The following TENM4 variants were observed in gnomAD, a reference collection of about 807,000 sequenced individuals.
TENM4 encodes teneurin transmembrane protein 4.
In TENM4, 82 loss-of-function variants were observed where a neutral mutation model predicts 243.3. The observed-to-expected ratio is 0.34, with a 90% CI of 0.28 to 0.40. The LOEUF (loss-of-function observed/expected upper bound fraction) is 0.40, where lower values mean the gene tolerates loss of function less well. Ranked by LOEUF, TENM4 falls within the 10% of genes least tolerant of loss-of-function variation. The probability of loss-of-function intolerance (pLI) is 1.00; values close to 1 mark genes in which losing one functional copy is unlikely to be tolerated. For synonymous variants in TENM4, 1,412 were observed against 1,456.3 expected, an observed-to-expected ratio of 0.97 and a Z score of 0.69; for missense variants, 3,138 against 3,673.3, an observed-to-expected ratio of 0.85 and a Z score of 3.77.
chr11:79,094,793 C>A (rs1861040629), intron 4 of TENM4, among the ~76,000 whole-genome samples: 1 of 152,164 alleles, frequency 6.6e-6, no homozygotes, highest in Admixed American at 6.5e-5. Context: ...GCTCCTACTG[C>A]AAGAAGATCA....
chr11:78,911,571 A>G (rs1358141989), intron 6 of TENM4, among the ~76,000 whole-genome samples: 2 of 152,166 alleles, frequency 1.3e-5, no homozygotes, highest in Non-Finnish European at 2.9e-5. Flanking sequence ...CATAATATCC[A>G]ATTCATATAT....
chr11:79,258,940 C>G (rs900781528), intron 2 of TENM4, among the ~76,000 whole-genome samples: 1 of 148,346 alleles, frequency 6.7e-6, no homozygotes, highest in South Asian at 2.1e-4. Context: ...CAGTCCTGGC[C>G]CCCCCCACCT....
intron 6 of TENM4, among the ~76,000 whole-genome samples, chr11:78,935,518 T>C (rs1856765334): frequency 6.6e-6 from 1 of 152,246 alleles, no homozygotes; most frequent in Admixed American, 6.5e-5. Flanking sequence ...GTACCAAAGC[T>C]AATCGGCCAA....
At chr11:79,165,656 ACTTAT>A (rs1181403190) in intron 3 of TENM4, among the ~76,000 whole-genome samples, 1 of 152,120 alleles carries the variant, frequency 6.6e-6, no homozygotes, top group East Asian at 1.9e-4. Flanking sequence ...GGTCCCATCT[ACTTAT>A]CTTTGTTTTT....
At chr11:79,364,814 C>G (rs2135498966) in intron 1 of TENM4, among the ~76,000 whole-genome samples, 1 of 152,286 alleles carries the variant, frequency 6.6e-6, no homozygotes, top group Non-Finnish European at 1.5e-5. Context: ...ACTAATTGTC[C>G]TACATTTGCT....
chr11:79,201,347 A>C (rs76145284), intron 3 of TENM4, among the ~76,000 whole-genome samples: 5,331 of 152,214 alleles, frequency 0.035, 109 homozygotes, highest in Middle Eastern at 0.065. Context: ...CCTTTGGAAG[A>C]GCTGTGGCTA....
At chr11:79,346,362 C>T (rs371717054) in intron 1 of TENM4, among the ~76,000 whole-genome samples, 6 of 152,086 alleles carry the variant, frequency 3.9e-5, no homozygotes, top group Non-Finnish European at 8.8e-5. Context: ...TACCTGCCTT[C>T]GGGGGTGTTT....
chr11:78,997,627 C>T (rs1858208764), intron 6 of TENM4, among the ~76,000 whole-genome samples: 2 of 152,180 alleles, frequency 1.3e-5, no homozygotes, highest in South Asian at 4.1e-4. Flanking sequence ...TCAGCATCCA[C>T]AGCTGGAATT....
intron 6 of TENM4, among the ~76,000 whole-genome samples, chr11:79,017,831 C>T (rs984503420): frequency 3.3e-5 from 5 of 152,304 alleles, no homozygotes; most frequent in Admixed American, 3.3e-4. Context: ...GTGTACAGGG[C>T]TCAGGCTCAG....
chr11:79,368,076 C>T (rs1037893677), intron 1 of TENM4, among the ~76,000 whole-genome samples: 2 of 152,092 alleles, frequency 1.3e-5, no homozygotes, highest in Non-Finnish European at 2.9e-5. Flanking sequence ...CTTGGGGATT[C>T]GGGGCAGGAA....
intron 4 of TENM4, among the ~76,000 whole-genome samples, chr11:79,119,172 C>T (rs909012919): frequency 6.6e-6 from 1 of 152,162 alleles, no homozygotes; most frequent in African/African-American, 2.4e-5. Context: ...ACATTAGAAT[C>T]ATCCAGCACA....
At chr11:78,727,902 T>A (rs117183596) in intron 22 of TENM4, among the ~76,000 whole-genome samples, 1 of 152,240 alleles carries the variant, frequency 6.6e-6, no homozygotes, top group Non-Finnish European at 1.5e-5. Flanking sequence ...TAAAGTTTCT[T>A]GTAGATGCCA....
intron 15 of TENM4, among the ~76,000 whole-genome samples, chr11:78,792,772 T>C (rs1857084006): frequency 6.6e-6 from 1 of 152,368 alleles, no homozygotes; most frequent in South Asian, 2.1e-4. Flanking sequence ...ATATATTATG[T>C]AGAGGCTCAG....
chr11:79,423,538 T>C (rs1397899039), intron 1 of TENM4, among the ~76,000 whole-genome samples: 3 of 95,728 alleles, frequency 3.1e-5, no homozygotes, highest in African/African-American at 1.4e-4. Context: ...CAAGTGCATT[T>C]TTTTTTTTTT....
Position 78,688,052 on chromosome 11 carries a change from A to C in TENM4, c.5260+2T>G. 1 of 1,613,184 alleles carries C rather than the reference A, an allele frequency of 6.2e-7. No individual in the cohort carries two copies. The highest frequency in any genetic ancestry group is 2.2e-5 in the East Asian group (1 of 44,866). Reference sequence around the variant, plus strand: ...AAGTCCCCTGGCCCCCACCTGACTTACCTTGCAGCAGTGTGTAGAAGGCGC... The same window carrying C: ...AAGTCCCCTGGCCCCCACCTGACTTCCCTTGCAGCAGTGTGTAGAAGGCGC... On this transcript the variant is annotated splice_donor_variant, in intron 29 of 33. Transcript: ENST00000278550. LOFTEE classifies it high-confidence loss of function.
chr11:79,117,711 G>A (rs1301618235), intron 4 of TENM4, among the ~76,000 whole-genome samples: 1 of 152,176 alleles, frequency 6.6e-6, no homozygotes, highest in Non-Finnish European at 1.5e-5. Context: ...GACAGGGTGT[G>A]GTAAGGCCAG....
intron 6 of TENM4, among the ~76,000 whole-genome samples, chr11:78,952,741 C>T (rs1857131075): frequency 6.6e-6 from 1 of 152,182 alleles, no homozygotes; most frequent in African/African-American, 2.4e-5. Flanking sequence ...TAAACACCTG[C>T]CTTGATCTCA....
At chr11:79,259,516 T>C (rs1855756813) in intron 2 of TENM4, among the ~76,000 whole-genome samples, 1 of 151,760 alleles carries the variant, frequency 6.6e-6, no homozygotes, top group Non-Finnish European at 1.5e-5. Context: ...CATCCATCCA[T>C]CCATCCATCC....
Position 78,843,649 on chromosome 11 carries a change from T to C in TENM4, c.1681+10455A>G, listed in dbSNP as rs567830506. Among the ~76,000 whole-genome samples, 21 of 152,326 alleles carry C rather than the reference T, an allele frequency of 1.4e-4. No homozygotes were observed. In the South Asian group the frequency reaches 4.1e-3, roughly 30 times the overall value. ...AAAGCCCCGAAACTAGAATGGGACA[T>C]TGGAGAAGTTCCTTATGAACTCTGA... On this transcript the variant is annotated intron_variant, in intron 12 of 33. Transcript: ENST00000278550.
Sources: allele counts gnomAD v4.1 joint callset (sites outside exome capture counted in the v4.1 genomes callset), GRCh38; gene constraint gnomAD v4.1.1; transcripts MANE v1.5; gene names NCBI Gene and HGNC (gene_info 2026-07-23, HGNC 2026-07-21).